The following SAMD4B variants were observed in gnomAD, a reference collection of about 807,000 sequenced individuals.
SAMD4B encodes sterile alpha motif domain containing 4B.
A neutral mutation model predicts 74.5 loss-of-function variants in SAMD4B; 5 were observed. The observed-to-expected ratio is 0.07, with a 90% CI of 0.04 to 0.14. SAMD4B has a LOEUF of 0.14. SAMD4B is among the 10% of genes least tolerant of loss of function. SAMD4B has a pLI of 1.00. For synonymous variants in SAMD4B, 373 were observed against 374.9 expected, an observed-to-expected ratio of 1.00 and a Z score of 0.06; for missense variants, 608 against 921.8, an observed-to-expected ratio of 0.66 and a Z score of 4.41.
chr19:39,389,767 T>G, downstream of SAMD4B: 1 of 1,614,092 alleles, frequency 6.2e-7, no homozygotes, highest in Non-Finnish European at 8.5e-7. This position sits in a 1 kb window ranked among gnomAD's most constrained non-coding sequence, Gnocchi z 5.3. Context: ...CGAACCTGGG[T>G]GGGGAAACAC....
At chr19:39,377,431 C>T in intron 7 of SAMD4B, 54 bp from the exon 8 acceptor site, 4 of 1,421,712 alleles carry the variant, frequency 2.8e-6, no homozygotes, top group Non-Finnish European at 3.8e-6. Flanking sequence ...TAGATACTCT[C>T]TGTCCCTCAT....
downstream of SAMD4B, chr19:39,386,163 T>A: frequency 6.2e-7 from 1 of 1,614,198 alleles, no homozygotes. This position sits in a 1 kb window ranked among gnomAD's most constrained non-coding sequence, Gnocchi z 6.1. Flanking sequence ...ACTGCCACCT[T>A]GGGCCTGTCC....
chr19:39,361,323 T>C (rs975164494), intron 3 of SAMD4B, among the ~76,000 whole-genome samples: 2 of 152,132 alleles, frequency 1.3e-5, no homozygotes, highest in African/African-American at 2.4e-5. Context: ...AGTCCCCAGT[T>C]AAGAGTTCCC....
chr19:39,373,737 G>A (rs55874141), intron 4 of SAMD4B, among the ~76,000 whole-genome samples: 4,209 of 152,122 alleles, frequency 0.028, 94 homozygotes, highest in African/African-American at 0.062. Context: ...CAAGGCAGGC[G>A]GATCACCTGA....
At chr19:39,361,918 C>T (rs10153522) in intron 3 of SAMD4B, among the ~76,000 whole-genome samples, 14 of 152,122 alleles carry the variant, frequency 9.2e-5, no homozygotes, top group African/African-American at 3.4e-4. Flanking sequence ...CAGAGCCAGA[C>T]TCCGTCTCAA....
downstream of SAMD4B, chr19:39,386,161 C>T: frequency 1.2e-6 from 2 of 1,614,182 alleles, no homozygotes; most frequent in African/African-American, 1.3e-5. The surrounding 1 kb of genome is among the most constrained non-coding windows in gnomAD (Gnocchi z 6.1). Flanking sequence ...TCACTGCCAC[C>T]TTGGGCCTGT....
chr19:39,389,248 C>T, downstream of SAMD4B: 1 of 1,607,768 alleles, frequency 6.2e-7, no homozygotes. The surrounding 1 kb of genome is among the most constrained non-coding windows in gnomAD (Gnocchi z 5.3). Flanking sequence ...CACCTAATAT[C>T]TCCACCTTCC....
chr19:39,377,836 C>T lies in SAMD4B; in HGVS notation c.1444+12C>T. 1 of 1,563,282 alleles carries T rather than the reference C, an allele frequency of 6.4e-7. No individual in the cohort carries two copies. Among genetic ancestry groups the T allele is most frequent in the Non-Finnish European group, 8.7e-7 (1 of 1,151,588 alleles). On this transcript the variant is annotated intron_variant, in intron 8 of 13. Coordinates refer to ENST00000610417, the MANE Select transcript of SAMD4B (RefSeq NM_001384574.2). ...GGTGATGGGCAAAGGTGAGACCAGCCACAGCCTAGCAGGAAATCCTGAGGC... is the reference window on the plus strand; with the variant it reads ...GGTGATGGGCAAAGGTGAGACCAGCTACAGCCTAGCAGGAAATCCTGAGGC...
chr19:39,387,009 G>C (rs2078266722), downstream of SAMD4B: 2 of 605,956 alleles, frequency 3.3e-6, no homozygotes, highest in Admixed American at 2.7e-5. Context: ...GCACCAGTTT[G>C]GTTGCCCTAC....
chr19:39,390,298 G>A, downstream of SAMD4B: 4 of 1,609,932 alleles, frequency 2.5e-6, no homozygotes, highest in Non-Finnish European at 3.4e-6. Flanking sequence ...GCCTAGTGGA[G>A]AAGAAAGAAA....
In SAMD4B at chr19:39,356,725, C is replaced by A; in HGVS notation, c.-169C>A. The stretch of plus-strand genomic sequence containing the variant: ...GGCGTGGCTGGACCAAGACCTCCCC[C>A]CATGTGAGCAGGCTTCCTCCTCCCC... On this transcript the variant is annotated 5_prime_UTR_variant, in exon 3 of 14. Transcript: ENST00000610417. 1 of 571,358 alleles carries A rather than the reference C, an allele frequency of 1.8e-6. No individual in the cohort carries two copies. The highest frequency in any genetic ancestry group is 3.1e-6 in the Non-Finnish European group (1 of 323,054). The allele number at this position is 571,358 out of a possible 1,614,324, so 35.4% of individuals were successfully genotyped here.
chr19:39,358,799 C>T (rs2076484084), intron 3 of SAMD4B, among the ~76,000 whole-genome samples: 6 of 152,180 alleles, frequency 3.9e-5, no homozygotes, highest in Admixed American at 3.9e-4. Context: ...TGTCATTAGC[C>T]CCATTTTACA....
At chr19:39,345,392 G>A (rs530169469) in intron 1 of SAMD4B, among the ~76,000 whole-genome samples, 1 of 152,194 alleles carries the variant, frequency 6.6e-6, no homozygotes, top group African/African-American at 2.4e-5. Flanking sequence ...TTTCTTTTCA[G>A]ATCTTCCTCA....
chr19:39,343,570 G>A (rs1600503209), intron 1 of SAMD4B, among the ~76,000 whole-genome samples: 1 of 144,412 alleles, frequency 6.9e-6, no homozygotes, highest in East Asian at 2.0e-4. Flanking sequence ...GAGGCCTCCT[G>A]TCTCCCCCTG....
At chr19:39,349,095 G>C (rs1027266373) in intron 1 of SAMD4B, among the ~76,000 whole-genome samples, 1 of 152,202 alleles carries the variant, frequency 6.6e-6, no homozygotes, top group African/African-American at 2.4e-5. Flanking sequence ...CAACCCGGCA[G>C]TCTGGTTCTA....
intron 3 of SAMD4B, among the ~76,000 whole-genome samples, chr19:39,364,928 T>G (rs994985380): frequency 1.3e-4 from 20 of 152,124 alleles, no homozygotes; most frequent in Admixed American, 6.5e-4. Context: ...ATTGGAGAGA[T>G]AAAAGGTTGT....
intron 1 of SAMD4B, chr19:39,350,298 C>T (rs928195391): frequency 1.3e-5 from 2 of 152,158 alleles, no homozygotes; most frequent in East Asian, 1.9e-4. Flanking sequence ...ATAGTCAATA[C>T]AGCAAGTAAG....
intron 1 of SAMD4B, among the ~76,000 whole-genome samples, chr19:39,343,781 A>G (rs893936381): frequency 1.3e-5 from 2 of 151,414 alleles, no homozygotes; most frequent in African/African-American, 4.9e-5. Flanking sequence ...CCCCCACATC[A>G]CACGCTCCAA....
chr19:39,343,264 C>T (rs1002409434), intron 1 of SAMD4B, among the ~76,000 whole-genome samples: 1 of 151,732 alleles, frequency 6.6e-6, no homozygotes, highest in South Asian at 2.1e-4. Context: ...CTCCCACTTA[C>T]CCCATTCCAG....
Sources: allele counts gnomAD v4.1 joint callset (sites outside exome capture counted in the v4.1 genomes callset), GRCh38; gene constraint gnomAD v4.1.1; non-coding constraint Gnocchi (gnomAD v3.1); transcripts MANE v1.5; gene names NCBI Gene and HGNC (gene_info 2026-07-23, HGNC 2026-07-21).